WASHC3: variants seen among roughly 807,000 people sequenced by gnomAD.
The protein encoded by WASHC3 is WASH complex subunit CCDC53.
In WASHC3, 24 loss-of-function variants were observed where a neutral mutation model predicts 26.1. The ratio of observed to expected loss-of-function variants is 0.92; its 90% CI spans 0.66 to 1.29. WASHC3 has a LOEUF of 1.29. Ranked by LOEUF, WASHC3 falls within the 50% of genes most tolerant of loss-of-function variation. The pLI is 0.00. For missense variants in WASHC3, 214 were observed against 229.6 expected, an observed-to-expected ratio of 0.93 and a Z score of 0.44; for synonymous variants, 77 against 75.7, an observed-to-expected ratio of 1.02 and a Z score of -0.09.
Position 102,061,905 on chromosome 12 carries a change from T to C in WASHC3, c.51+7A>G, listed in dbSNP as rs748328486. 4 of 1,595,610 alleles carry C rather than the reference T, an allele frequency of 2.5e-6. No homozygotes were observed. The highest frequency in any genetic ancestry group is 4.5e-5 in the East Asian group (2 of 44,264). ...TCGTCGGGAGTCTAGCACCGTCTTT[T>C]ACAAACCTTGGTCAGGTCTATGCCT... On this transcript the variant is annotated splice_region_variant and intron_variant, in intron 1 of 6. Transcript: ENST00000240079.
At chr12:102,031,034 T>C (rs1455426170) in intron 5 of WASHC3, among the ~76,000 whole-genome samples, 2 of 152,220 alleles carry the variant, frequency 1.3e-5, no homozygotes, top group African/African-American at 4.8e-5. Context: ...TGACTGGTTC[T>C]AAGCTCCCTA....
intron 6 of WASHC3, 90 bp from the exon 7 acceptor site, chr12:102,013,282 G>A: frequency 1.5e-6 from 1 of 674,146 alleles, no homozygotes; most frequent in East Asian, 2.7e-5. Flanking sequence ...TTAGAATATT[G>A]CTGCTAATAA....
chr12:102,031,794 T>TA (rs1877449557), intron 5 of WASHC3, among the ~76,000 whole-genome samples: 1 of 152,066 alleles, frequency 6.6e-6, no homozygotes, highest in Admixed American at 6.6e-5. Flanking sequence ...TACCTATAGT[T>TA]AAAAAACAAT....
chr12:102,054,446 GGC>G (rs1271497873), intron 2 of WASHC3, among the ~76,000 whole-genome samples: 1 of 152,216 alleles, frequency 6.6e-6, no homozygotes, highest in African/African-American at 2.4e-5. Flanking sequence ...GGGATGCCAA[GGC>G]GGGAGGATCC....
upstream of WASHC3, chr12:102,062,036 A>C (rs1356210664): frequency 2.0e-5 from 27 of 1,329,870 alleles, no homozygotes; most frequent in Non-Finnish European, 2.8e-5. Context: ...CCCGGTAATC[A>C]CGTCTCAACT....
At position 102,049,316 on chromosome 12, in the gene WASHC3, T is replaced by C. The variant is rs555087827; in HGVS notation, c.151-3197A>G. Reference sequence around the variant, plus strand: ...TCTAAATTATGGATGACTGTGGATATAACATAAGTAACATAATCGGTGACA... The same window carrying C: ...TCTAAATTATGGATGACTGTGGATACAACATAAGTAACATAATCGGTGACA... On this transcript the variant is annotated intron_variant, in intron 2 of 6. Transcript: ENST00000240079. Among the ~76,000 whole-genome samples, 4 of 152,362 alleles carry C rather than the reference T, an allele frequency of 2.6e-5. No homozygotes were observed. The South Asian group carries it at 8.3e-4, about 32-fold the overall frequency.
chr12:102,026,069 T>A, intron 5 of WASHC3, 31 bp from the exon 6 acceptor site: 2 of 1,271,930 alleles, frequency 1.6e-6, no homozygotes, highest in East Asian at 2.5e-5. Context: ...AATTTCATCA[T>A]TAAAAATGTC....
chr12:102,027,841 T>A (rs983371307), intron 5 of WASHC3, among the ~76,000 whole-genome samples: 4 of 152,154 alleles, frequency 2.6e-5, no homozygotes, highest in African/African-American at 9.7e-5. Flanking sequence ...TGTTGTTTTG[T>A]CTTATAAATT....
intron 3 of WASHC3, among the ~76,000 whole-genome samples, chr12:102,045,376 C>T (rs1878117223): frequency 6.6e-6 from 1 of 152,210 alleles, no homozygotes; most frequent in Non-Finnish European, 1.5e-5. Context: ...TTTTCTTCCT[C>T]ATAAATATTT....
At chr12:102,013,482 CAG>C (rs527449019) in intron 6 of WASHC3, among the ~76,000 whole-genome samples, 3 of 152,172 alleles carry the variant, frequency 2.0e-5, no homozygotes, top group Non-Finnish European at 4.4e-5. Context: ...CAATTATAGA[CAG>C]AGATGTGATC....
chr12:102,041,176 A>G (rs895305854), intron 4 of WASHC3, among the ~76,000 whole-genome samples: 7 of 151,762 alleles, frequency 4.6e-5, no homozygotes, highest in Admixed American at 3.3e-4. Flanking sequence ...ATTCCAAAAC[A>G]CTGTTAATTA....
At chr12:102,041,120 TATACACAC>T (rs1565817279) in intron 4 of WASHC3, among the ~76,000 whole-genome samples, 1 of 151,352 alleles carries the variant, frequency 6.6e-6, no homozygotes, top group East Asian at 1.9e-4. Context: ...TATACATATA[TATACACAC>T]ACACACACAC....
intron 4 of WASHC3, among the ~76,000 whole-genome samples, chr12:102,042,604 A>C (rs1877984001): frequency 6.6e-6 from 1 of 152,208 alleles, no homozygotes. Flanking sequence ...AAGATTGATA[A>C]TATGGTGCTT....
chr12:102,061,836 G>A lies in WASHC3; in HGVS notation c.51+76C>T, dbSNP rs996259300. The A allele has an allele frequency of 6.9e-6, 9 of 1,309,828 alleles. No homozygotes were observed. In the African/African-American group the frequency reaches 1.2e-4, roughly 17 times the overall value. 81.1% of individuals were successfully genotyped at this position (1,309,828 alleles called of 1,614,324 possible). A position where few individuals can be genotyped will look rare whatever the true frequency, so the allele number is the denominator to read the frequency against. On this transcript the variant is annotated intron_variant, in intron 1 of 6. Coordinates refer to ENST00000240079, the MANE Select transcript of WASHC3 (RefSeq NM_016053.4). The stretch of plus-strand genomic sequence containing the variant: ...TGACAGGGTGGGGACTCGGAAGGTG[G>A]GTGTCTCCCCGGAAAGCTGCGTCTT...
At chr12:102,028,444 T>C (rs1338924980) in intron 5 of WASHC3, among the ~76,000 whole-genome samples, 1 of 152,144 alleles carries the variant, frequency 6.6e-6, no homozygotes, top group African/African-American at 2.4e-5. Flanking sequence ...CCTCTTGGCT[T>C]CTACTAACTA....
chr12:102,052,529 C>T (rs1010736245), intron 2 of WASHC3, among the ~76,000 whole-genome samples: 1 of 152,140 alleles, frequency 6.6e-6, no homozygotes, highest in Non-Finnish European at 1.5e-5. Context: ...CATAGATTGT[C>T]TCCAGGTCTG....
intron 2 of WASHC3, chr12:102,048,195 T>C (rs564213710): frequency 6.6e-6 from 1 of 152,068 alleles, no homozygotes; most frequent in South Asian, 2.1e-4. Context: ...CTACAGTACA[T>C]GAACTAGGAT....
chr12:102,058,646 G>A (rs530554391), intron 2 of WASHC3, among the ~76,000 whole-genome samples: 2 of 152,018 alleles, frequency 1.3e-5, no homozygotes, highest in Admixed American at 1.3e-4. Flanking sequence ...TAGTACAGAG[G>A]TTCCACAAAA....
intron 2 of WASHC3, chr12:102,059,855 C>T (rs1878734329): frequency 6.6e-6 from 1 of 152,074 alleles, no homozygotes; most frequent in Non-Finnish European, 1.5e-5. Flanking sequence ...ATTTTATATC[C>T]TAAATTATTT....
Sources: gnomAD v4.1 joint callset for allele counts (sites outside exome capture counted in the v4.1 genomes callset) on GRCh38, gnomAD v4.1.1 for gene constraint, MANE v1.5 for transcripts, NCBI Gene and HGNC (gene_info 2026-07-23, HGNC 2026-07-21) for gene names.